SNX3: variants seen among roughly 807,000 people sequenced by gnomAD.
The protein encoded by SNX3 is sorting nexin-3.
Under a neutral mutation model 17.7 loss-of-function variants are expected in SNX3, and 5 were observed. The observed-to-expected ratio is 0.28, with a 90% CI of 0.15 to 0.59. SNX3 has a LOEUF of 0.59. Ranked by LOEUF, SNX3 falls within the 20% of genes least tolerant of loss-of-function variation. The probability of loss-of-function intolerance (pLI) is 0.88; values close to 1 mark genes in which losing one functional copy is unlikely to be tolerated. For missense variants in SNX3, 132 were observed against 206.8 expected, an observed-to-expected ratio of 0.64 and a Z score of 2.22; for synonymous variants, 91 against 76.5, an observed-to-expected ratio of 1.19 and a Z score of -0.99.
intron 1 of SNX3, among the ~76,000 whole-genome samples, chr6:108,234,529 C>T (rs569758715): frequency 2.0e-5 from 3 of 152,080 alleles, no homozygotes; most frequent in Non-Finnish European, 4.4e-5. Context: ...CTAGCCTGGG[C>T]AACAGAGTGA....
At chr6:108,234,065 C>T (rs1252241195) in intron 1 of SNX3, among the ~76,000 whole-genome samples, 1 of 151,884 alleles carries the variant, frequency 6.6e-6, no homozygotes, top group Admixed American at 6.6e-5. Context: ...GTTATATTTA[C>T]ATTATATTTA....
chr6:108,221,532 C>CTTTTTTTTTTTTTT (rs554429322), intron 2 of SNX3, among the ~76,000 whole-genome samples: 2 of 57,744 alleles, frequency 3.5e-5, no homozygotes, highest in Non-Finnish European at 3.4e-5. Flanking sequence ...CAGTATTACA[C>CTTTTTTTTTTTTTT]TTTTTTTTTT....
intron 1 of SNX3, among the ~76,000 whole-genome samples, chr6:108,256,859 T>C (rs1391474536): frequency 1.3e-5 from 2 of 152,266 alleles, no homozygotes; most frequent in Non-Finnish European, 2.9e-5. Flanking sequence ...TGCTCTCTGC[T>C]GTACCTACCC....
chr6:108,217,736 T>C (rs539031587), intron 2 of SNX3, among the ~76,000 whole-genome samples: 52 of 140,206 alleles, frequency 3.7e-4, no homozygotes, highest in African/African-American at 1.2e-3. Flanking sequence ...GGGCGAGAGC[T>C]AGACACCGTC....
rs961300541 is a variant in SNX3, at chr6:108,211,290, A to G, written c.*859T>C. The stretch of plus-strand genomic sequence containing the variant: ...GTTTTCAAATACACAAAGTGCTTCA[A>G]AATGATTCAATAAGCCTTAAGCAAT... On this transcript the variant is annotated 3_prime_UTR_variant, in exon 4 of 4. Coordinates refer to ENST00000230085, the MANE Select transcript of SNX3 (RefSeq NM_003795.6). 7.2e-5 allele frequency: 11 copies of G among 152,378 alleles called. No individual in the cohort carries two copies. The highest frequency in any genetic ancestry group is 2.6e-4 in the African/African-American group (11 of 41,602). The allele number at this position is 152,378 out of a possible 1,614,324, so 9.4% of individuals were successfully genotyped here.
At chr6:108,214,307 T>G (rs1437136488) in intron 3 of SNX3, among the ~76,000 whole-genome samples, 191 bp downstream of exon 3, 1 of 152,220 alleles carries the variant, frequency 6.6e-6, no homozygotes, top group Admixed American at 6.5e-5. Context: ...AAGATGCTCA[T>G]TTCAATCACT....
chr6:108,260,459 T>C (rs1193459852), intron 1 of SNX3, among the ~76,000 whole-genome samples: 1 of 152,228 alleles, frequency 6.6e-6, no homozygotes, highest in African/African-American at 2.4e-5. Flanking sequence ...TCTCGAAAGA[T>C]CTACCCCTTT....
At chr6:108,220,800 A>C (rs1774738598) in intron 2 of SNX3, among the ~76,000 whole-genome samples, 1 of 152,158 alleles carries the variant, frequency 6.6e-6, no homozygotes, top group South Asian at 2.1e-4. Flanking sequence ...CAACATGATG[A>C]AACCCCATCT....
chr6:108,242,148 A>G (rs1245634167), intron 1 of SNX3, among the ~76,000 whole-genome samples: 2 of 152,212 alleles, frequency 1.3e-5, no homozygotes, highest in East Asian at 1.9e-4. Context: ...CATTCTGAAA[A>G]GCAGAAAGAA....
In SNX3 at chr6:108,233,439, G is replaced by A. The variant is rs545748202; in HGVS notation, c.163-10394C>T. On this transcript the variant is annotated intron_variant, in intron 1 of 3. Coordinates refer to ENST00000230085, the MANE Select transcript of SNX3 (RefSeq NM_003795.6). ...ATCCTAAGAAACACACTCAAGTGAC[G>A]CCAACTAGAGAATCTCATGCAACTG... is the stretch of plus-strand genomic sequence containing the variant. 3.3e-5 allele frequency among the ~76,000 whole-genome samples: 5 copies of A among 152,200 alleles called. No individual in the cohort carries two copies. In the South Asian group the frequency reaches 1.0e-3, roughly 32 times the overall value.
intron 2 of SNX3, among the ~76,000 whole-genome samples, chr6:108,222,673 C>T (rs1035304774): frequency 1.3e-5 from 2 of 151,754 alleles, no homozygotes; most frequent in Admixed American, 6.6e-5. Context: ...TGGAATAGGA[C>T]GATGAGGGAA....
At chr6:108,233,049 A>G (rs1389542099) in intron 1 of SNX3, among the ~76,000 whole-genome samples, 1 of 152,238 alleles carries the variant, frequency 6.6e-6, no homozygotes, top group Non-Finnish European at 1.5e-5. Flanking sequence ...ATTCCTCCTT[A>G]TTTTAAAAGA....
intron 1 of SNX3, among the ~76,000 whole-genome samples, chr6:108,245,275 G>A (rs139960334): frequency 3.0e-4 from 45 of 152,150 alleles, no homozygotes; most frequent in Non-Finnish European, 4.6e-4. Context: ...CCATGTCCCC[G>A]CAAAGGACAT....
At chr6:108,232,715 A>G (rs1466193571) in intron 1 of SNX3, among the ~76,000 whole-genome samples, 1 of 152,240 alleles carries the variant, frequency 6.6e-6, no homozygotes, top group African/African-American at 2.4e-5. Context: ...TAAGAGATGT[A>G]AATGGATGCC....
intron 2 of SNX3, among the ~76,000 whole-genome samples, chr6:108,217,006 T>C (rs2114706959): frequency 6.6e-6 from 1 of 152,294 alleles, no homozygotes; most frequent in South Asian, 2.1e-4. Context: ...AAAGGAATGC[T>C]AACCATTACG....
Position 108,257,919 on chromosome 6 carries a change from G to A in SNX3, c.162+2841C>T, listed in dbSNP as rs917668898. Among the ~76,000 whole-genome samples, 8 of 152,008 alleles carry A rather than the reference G, an allele frequency of 5.3e-5. 1 individual carries two copies. The highest frequency in any genetic ancestry group is 3.9e-4 in the East Asian group (2 of 5,146). On this transcript the variant is annotated intron_variant, in intron 1 of 3. Transcript: ENST00000230085. ...GCAGAGGTTGCAGTGAGCCAAGATCGCGCCACTGCACTCCAGCCTGGCGAC... is the reference window on the plus strand; with the variant it reads ...GCAGAGGTTGCAGTGAGCCAAGATCACGCCACTGCACTCCAGCCTGGCGAC...
At chr6:108,256,054 ATCTCGTC>A in intron 1 of SNX3, among the ~76,000 whole-genome samples, 1 of 152,184 alleles carries the variant, frequency 6.6e-6, no homozygotes, top group South Asian at 2.1e-4. Context: ...ACATAGTGAG[ATCTCGTC>A]TCTACAAATA....
intron 1 of SNX3, among the ~76,000 whole-genome samples, chr6:108,259,787 T>G (rs1306068276): frequency 6.6e-6 from 1 of 152,230 alleles, no homozygotes; most frequent in Non-Finnish European, 1.5e-5. Flanking sequence ...TGAGAATTTT[T>G]TCACTTAAAT....
At chr6:108,241,301 A>G (rs1256967644) in intron 1 of SNX3, among the ~76,000 whole-genome samples, 1 of 152,096 alleles carries the variant, frequency 6.6e-6, no homozygotes, top group African/African-American at 2.4e-5. Flanking sequence ...CACGAAGTAA[A>G]AGCTGGGGCG....
Sources: allele counts gnomAD v4.1 joint callset (sites outside exome capture counted in the v4.1 genomes callset), GRCh38; gene constraint gnomAD v4.1.1; transcripts MANE v1.5; gene names NCBI Gene and HGNC (gene_info 2026-07-23, HGNC 2026-07-21).